SAT1: variants seen among roughly 807,000 people sequenced by gnomAD.
SAT1 encodes diamine acetyltransferase 1.
Under a neutral mutation model 14.7 loss-of-function variants are expected in SAT1, and 1 was observed. That is an observed-to-expected ratio of 0.07 (90% CI 0.02 to 0.32). The LOEUF (loss-of-function observed/expected upper bound fraction) is 0.32, where lower values mean the gene tolerates loss of function less well. SAT1 is among the 10% of genes least tolerant of loss of function. The pLI, the probability that SAT1 is intolerant of heterozygous loss-of-function variation, is 1.00. For missense variants in SAT1, 77 were observed against 129.1 expected, an observed-to-expected ratio of 0.60 and a Z score of 1.96; for synonymous variants, 67 against 46.1, an observed-to-expected ratio of 1.45 and a Z score of -1.84.
At position 23,783,193 on chromosome X, in the gene SAT1, C is replaced by G; in HGVS notation, c.-159C>G. ...CAAATGCGCAGCTCTTAGTCGCGGGCCGACTGGTGTTTATCCGTCACTCGC... is the reference window on the plus strand; with the variant it reads ...CAAATGCGCAGCTCTTAGTCGCGGGGCGACTGGTGTTTATCCGTCACTCGC... On this transcript the variant is annotated 5_prime_UTR_variant, in exon 1 of 6. Coordinates refer to ENST00000379270, the MANE Select transcript of SAT1 (RefSeq NM_002970.4). 1 of 491,820 alleles carries G rather than the reference C, an allele frequency of 2.0e-6. No homozygotes were observed. The highest frequency in any genetic ancestry group is 3.6e-6 in the Non-Finnish European group (1 of 274,723). 40.5% of individuals were successfully genotyped at this position (491,820 alleles called of 1,213,427 possible).
intron 3 of SAT1, chrX:23,784,968 TG>T: frequency 4.8e-6 from 1 of 207,188 alleles, no homozygotes; most frequent in Non-Finnish European, 8.8e-6. Context: ...CAATAGGATG[TG>T]AATAATGTGT....
Position 23,785,912 on chromosome X carries a change from C to A in SAT1, c.*56C>A, listed in dbSNP as rs1601857073. 2 of 992,878 alleles carry A rather than the reference C, an allele frequency of 2.0e-6. No individual in the cohort carries two copies. The highest frequency in any genetic ancestry group is 3.3e-5 in the Admixed American group (1 of 30,664). 81.8% of individuals were successfully genotyped at this position (992,878 alleles called of 1,213,427 possible). On this transcript the variant is annotated 3_prime_UTR_variant, in exon 6 of 6. Transcript: ENST00000379270. ...CTATTTTAGAATAAATTCCCAACTT[C>A]TCTTGCTTTCTATGCTGTTTGTAGT...
In SAT1 at chrX:23,783,223, G is replaced by T. The variant is rs1387481678; in HGVS notation, c.-129G>T. The T allele has an allele frequency of 2.9e-5, 17 of 586,942 alleles. No homozygotes were observed. In the East Asian group the frequency reaches 4.6e-4, roughly 16 times the overall value. 48.4% of individuals were successfully genotyped at this position (586,942 alleles called of 1,213,427 possible). ...TGGTGTTTATCCGTCACTCGCCGAGGTTCCTTGGGTCATGGTGCCAGCCTG... is the reference window on the plus strand; with the variant it reads ...TGGTGTTTATCCGTCACTCGCCGAGTTTCCTTGGGTCATGGTGCCAGCCTG... On this transcript the variant is annotated 5_prime_UTR_variant, in exon 1 of 6. Transcript: ENST00000379270.
chrX:23,783,579 C>CCCAACCCA, intron 1 of SAT1, 79 bp from the exon 2 acceptor site: 1 of 770,313 alleles, frequency 1.3e-6, no homozygotes, highest in Non-Finnish European at 1.9e-6. Flanking sequence ...CCGCCCGCCC[C>CCCAACCCA]ATTCCGTTCC....
At position 23,783,269 on chromosome X, in the gene SAT1, G is replaced by C; in HGVS notation, c.-83G>C. The C allele has an allele frequency of 1.1e-6, 1 of 945,942 alleles. No homozygotes were observed. The highest frequency in any genetic ancestry group is 1.5e-6 in the Non-Finnish European group (1 of 659,606). The allele number at this position is 945,942 out of a possible 1,213,427, so 78.0% of individuals were successfully genotyped here. A position where few individuals can be genotyped will look rare whatever the true frequency, so the allele number is the denominator to read the frequency against. ...GCCTGACTGAGAAGAGGACGCTCCC[G>C]GGAGACGAATGAGGAACCACCTCCT... On this transcript the variant is annotated 5_prime_UTR_variant, in exon 1 of 6. Transcript: ENST00000379270.
intron 3 of SAT1, 143 bp downstream of exon 3, chrX:23,784,026 G>A (rs1238943817): frequency 2.6e-6 from 3 of 1,133,545 alleles, no homozygotes; most frequent in Admixed American, 3.2e-5. Flanking sequence ...TCAAACTACT[G>A]AGGAAAAAAA....
At chrX:23,783,579 C>CCAAAACCT in intron 1 of SAT1, 79 bp from the exon 2 acceptor site, 1 of 770,313 alleles carries the variant, frequency 1.3e-6, no homozygotes, top group Non-Finnish European at 1.9e-6. Flanking sequence ...CCGCCCGCCC[C>CCAAAACCT]ATTCCGTTCC....
rs1336985305 is a variant in SAT1, at chrX:23,783,786, C to A, written c.119-14C>A. On this transcript the variant is annotated splice_polypyrimidine_tract_variant and intron_variant, in intron 2 of 5. Coordinates refer to ENST00000379270, the MANE Select transcript of SAT1 (RefSeq NM_002970.4). Reference sequence around the variant, plus strand: ...CGCCAAGGCCATTACCGCCCCTGCTCCCCCTTCTTGCAGATCTGCTAGAAG... The same window carrying A: ...CGCCAAGGCCATTACCGCCCCTGCTACCCCTTCTTGCAGATCTGCTAGAAG... 8.3e-7 allele frequency: 1 copy of A among 1,210,006 alleles called. No individual in the cohort carries two copies. The highest frequency in any genetic ancestry group is 3.0e-5 in the East Asian group (1 of 33,803).
chrX:23,783,277 A>G lies in SAT1; in HGVS notation c.-75A>G. 3.0e-6 allele frequency: 3 copies of G among 1,010,333 alleles called. No individual in the cohort carries two copies. Among genetic ancestry groups the G allele is most frequent in the Non-Finnish European group, 4.2e-6 (3 of 716,039 alleles). 83.3% of individuals were successfully genotyped at this position (1,010,333 alleles called of 1,213,427 possible). On this transcript the variant is annotated 5_prime_UTR_variant, in exon 1 of 6. Transcript: ENST00000379270. ...GAGAAGAGGACGCTCCCGGGAGACG[A>G]ATGAGGAACCACCTCCTCCTACTGT...
chrX:23,783,433 A>G lies in SAT1; in HGVS notation c.66+16A>G. ...GCTGATCAAGGTAGCGGAGAGCCAG[A>G]GCTCCTCCCGGGGCGTGGGGTGGAG... On this transcript the variant is annotated intron_variant, in intron 1 of 5. Transcript: ENST00000379270. 2.5e-6 allele frequency: 3 copies of G among 1,196,058 alleles called. No homozygotes were observed. The highest frequency in any genetic ancestry group is 2.3e-6 in the Non-Finnish European group (2 of 882,373).
At chrX:23,784,214 G>C in intron 3 of SAT1, 1 of 873,162 alleles carries the variant, frequency 1.1e-6, no homozygotes, top group Non-Finnish European at 1.5e-6. Flanking sequence ...TCATAAAATG[G>C]TTCTTGTTTG....
rs761860804 is a variant in SAT1 at position 23,785,787 on chromosome X, C to T, written c.447C>T (p.Ser149=). The T allele has an allele frequency of 1.3e-5, 16 of 1,207,993 alleles. No individual in the cohort carries two copies. The East Asian group carries it at 4.4e-4, about 33-fold the overall frequency. The change falls in exon 6 of 6, where the codon TCC becomes TCT. Residue 149 remains serine, a synonymous_variant. Transcript: ENST00000379270. ...AAAGAAGAGGTGCTTCTGATCTGTC[C>T]AGTGAAGAGGGTTGGAGACTGTTCA... is the stretch of plus-strand genomic sequence containing the variant. ...FYKRRGASDL[S]SEEGWRLFKI...
At chrX:23,784,181 A>G (rs1260744706) in intron 3 of SAT1, 1 of 916,934 alleles carries the variant, frequency 1.1e-6, no homozygotes, top group Non-Finnish European at 1.4e-6. Context: ...GTTAGATATA[A>G]TGTCATTTGT....
intron 1 of SAT1, 84 bp from the exon 2 acceptor site, chrX:23,783,574 C>CCCCCCCAAAACCAAA: frequency 1.4e-6 from 1 of 718,044 alleles, no homozygotes; most frequent in Non-Finnish European, 2.0e-6. Flanking sequence ...CCCGCCCGCC[C>CCCCCCCAAAACCAAA]GCCCCATTCC....
chrX:23,784,427 T>A (rs1023895091), intron 3 of SAT1: 2 of 456,668 alleles, frequency 4.4e-6, no homozygotes, highest in African/African-American at 5.3e-5. Context: ...ATCACACACT[T>A]CAAACACGGT....
Position 23,785,721 on chromosome X carries a change from C to T in SAT1, c.381C>T (p.Phe127=), listed in dbSNP as rs773982728. ...GGTGTCGCTGCAGCAGCATGCACTT[C>T]TTGGTAGCAGAATGGAATGAACCAT... The part of the protein sequence containing the change: ...AMRCRCSSMH[F]LVAEWNEPSI... The change falls in exon 6 of 6, where the codon TTC becomes TTT. Residue 127 remains phenylalanine, a synonymous_variant. Transcript: ENST00000379270. The T allele has an allele frequency of 2.5e-6, 3 of 1,208,053 alleles. No homozygotes were observed. The African/African-American group carries it at 5.2e-5, about 21-fold the overall frequency.
chrX:23,784,425 C>G (rs1922636208), intron 3 of SAT1: 1 of 479,390 alleles, frequency 2.1e-6, no homozygotes, highest in East Asian at 1.8e-4. Flanking sequence ...TTATCACACA[C>G]TTCAAACACG....
intron 3 of SAT1, 56 bp downstream of exon 3, chrX:23,783,939 T>C: frequency 1.7e-6 from 2 of 1,210,098 alleles, no homozygotes; most frequent in Non-Finnish European, 2.2e-6. Flanking sequence ...TAAGAAGTAG[T>C]GTCGGCTGTG....
intron 2 of SAT1, 22 bp from the exon 3 acceptor site, chrX:23,783,778 C>T: frequency 4.1e-6 from 5 of 1,211,243 alleles, no homozygotes; most frequent in Non-Finnish European, 5.6e-6. Context: ...GCCATTACCG[C>T]CCCTGCTCCC....
Sources: gnomAD v4.1 joint callset for allele counts on GRCh38, gnomAD v4.1.1 for gene constraint, MANE v1.5 for transcripts, NCBI Gene and HGNC (gene_info 2026-07-23, HGNC 2026-07-21) for gene names.